Variants in ARID1B observed in about 807,000 individuals in gnomAD.
ARID1B encodes AT-rich interactive domain-containing protein 1B.
A neutral mutation model predicts 212.3 loss-of-function variants in ARID1B; 30 were observed. The ratio of observed to expected loss-of-function variants is 0.14; its 90% CI spans 0.11 to 0.19. The LOEUF (loss-of-function observed/expected upper bound fraction) is 0.19, where lower values mean the gene tolerates loss of function less well. Among genes scored for constraint, ARID1B ranks in the 10% least tolerant of loss-of-function variants. The pLI is 1.00. For missense variants in ARID1B, 2,891 were observed against 3,204.0 expected, an observed-to-expected ratio of 0.90 and a Z score of 2.36; for synonymous variants, 1,402 against 1,301.7, an observed-to-expected ratio of 1.08 and a Z score of -1.66.
At chr6:157,124,013 T>C (rs1402045285) in intron 6 of ARID1B, among the ~76,000 whole-genome samples, 2 of 152,270 alleles carry the variant, frequency 1.3e-5, no homozygotes, top group Non-Finnish European at 2.9e-5. Flanking sequence ...ATGCGTCTGA[T>C]AGACATTTAG....
chr6:156,921,441 ACACACACACAC>A (rs1790781200), intron 3 of ARID1B, among the ~76,000 whole-genome samples: 24 of 436 alleles, frequency 0.055, no homozygotes, highest in East Asian at 0.21. Flanking sequence ...ATGGGAAAAC[ACACACACACAC>A]ACACACACAC....
Position 156,812,814 on chromosome 6 carries a change from T to C in ARID1B, c.1792-16413T>C, listed in dbSNP as rs1016559639. Among the ~76,000 whole-genome samples the C allele has an allele frequency of 2.6e-5, 4 of 151,358 alleles. No individual in the cohort carries two copies. In the East Asian group the frequency reaches 7.8e-4, roughly 29 times the overall value. ...CCCTTGATGGGACAAGCTCGACTTT[T>C]CCTACAGATCCTCAACAGTTGAGAT... is the stretch of plus-strand genomic sequence containing the variant. On this transcript the variant is annotated intron_variant, in intron 1 of 19. Transcript: ENST00000636930.
At chr6:157,144,956 G>A (rs1033865882) in intron 7 of ARID1B, among the ~76,000 whole-genome samples, 5 of 152,162 alleles carry the variant, frequency 3.3e-5, no homozygotes, top group South Asian at 2.1e-4. Context: ...TCTTCACGCC[G>A]AAGCAGTTTG....
At chr6:156,863,435 G>T (rs1037687061) in intron 2 of ARID1B, among the ~76,000 whole-genome samples, 4 of 152,162 alleles carry the variant, frequency 2.6e-5, no homozygotes, top group African/African-American at 9.7e-5. Context: ...TCTCAGCCAA[G>T]AGCCTGAGCA....
chr6:157,000,696 C>CTTTTTTATTTTTTTTTTTTTTTT (rs1778859175), intron 4 of ARID1B, among the ~76,000 whole-genome samples: 1 of 99,230 alleles, frequency 1.0e-5, no homozygotes, highest in African/African-American at 4.0e-5. Context: ...TCTAATTATT[C>CTTTTTTATTTTTTTTTTTTTTTT]TTTTTTTTTT....
At position 157,206,152 on chromosome 6, in the gene ARID1B, C is replaced by T. The variant is rs375231653; in HGVS notation, c.5395-15C>T. The T allele has an allele frequency of 4.5e-4, 732 of 1,612,254 alleles. 2 individuals carry two copies. Among genetic ancestry groups the T allele is most frequent in the Non-Finnish European group, 4.4e-4 (513 of 1,178,888 alleles). On this transcript the variant is annotated splice_polypyrimidine_tract_variant and intron_variant, in intron 19 of 19. Coordinates refer to ENST00000636930, the MANE Select transcript of ARID1B (RefSeq NM_001374828.1). The surrounding 1 kb of genome is among the most constrained non-coding windows in gnomAD (Gnocchi z 6.8). ...GTACCTGTTCTTTCTTTCTTCTCCT[C>T]CTCCTCCTCTCCAGTTGTCTGGATT...
chr6:156,808,615 C>G (rs1277320066), intron 1 of ARID1B, among the ~76,000 whole-genome samples: 1 of 152,018 alleles, frequency 6.6e-6, no homozygotes, highest in Non-Finnish European at 1.5e-5. Context: ...TCAGTCTCAG[C>G]TAAAATTGAA....
At chr6:156,924,015 GCTTTTAAAAAT>G (rs1791018869) in intron 3 of ARID1B, among the ~76,000 whole-genome samples, 1 of 152,206 alleles carries the variant, frequency 6.6e-6, no homozygotes, top group African/African-American at 2.4e-5. Flanking sequence ...TCTTAAATAT[GCTTTTAAAAAT>G]AACAATAGCT....
chr6:157,135,516 C>G (rs1341682871), intron 7 of ARID1B, among the ~76,000 whole-genome samples: 1 of 152,204 alleles, frequency 6.6e-6, no homozygotes, highest in Non-Finnish European at 1.5e-5. Context: ...ACCCTTTTCT[C>G]CTCTCCTGAG....
chr6:156,854,699 C>T (rs144227917), intron 2 of ARID1B, among the ~76,000 whole-genome samples: 1 of 152,328 alleles, frequency 6.6e-6, no homozygotes, highest in East Asian at 1.9e-4. Flanking sequence ...ATTGTGTCCA[C>T]CTCTAGATAC....
At position 157,206,601 on chromosome 6, in the gene ARID1B, G is replaced by C. The variant is rs772330993; in HGVS notation, c.5829G>C (p.Gln1943His). ...TCAATAGTGGCCTTCTGCACTGGCA[G>C]CTCGGCGGGGGTGACACCACCGAGC... ...QEFNSGLLHW[Q>H]LGGGDTTEHI... The change falls in exon 20 of 20, where the codon CAG becomes CAC. Residue 1943 changes from glutamine (Q) to histidine (H), a missense_variant. This residue lies in a region of ARID1B where 332 missense variants were observed against 369.2 expected (regional missense o/e 0.90). Transcript: ENST00000636930. This position sits in a 1 kb window ranked among gnomAD's most constrained non-coding sequence, Gnocchi z 6.8. 1 of 1,614,122 alleles carries C rather than the reference G, an allele frequency of 6.2e-7. No homozygotes were observed. The highest frequency in any genetic ancestry group is 1.1e-5 in the South Asian group (1 of 91,076).
At chr6:157,132,777 C>T (rs1788636916) in intron 6 of ARID1B, among the ~76,000 whole-genome samples, 1 of 152,158 alleles carries the variant, frequency 6.6e-6, no homozygotes, top group Admixed American at 6.5e-5. Flanking sequence ...TTCTCCCCTC[C>T]CTAATTGAAG....
At chr6:156,814,657 G>C (rs1395718012) in intron 1 of ARID1B, among the ~76,000 whole-genome samples, 1 of 152,138 alleles carries the variant, frequency 6.6e-6, no homozygotes, top group Non-Finnish European at 1.5e-5. Context: ...GGAGAGATGG[G>C]GTCCCAAGAT....
chr6:156,998,606 T>C (rs1320348283), intron 4 of ARID1B, among the ~76,000 whole-genome samples: 1 of 152,190 alleles, frequency 6.6e-6, no homozygotes, highest in African/African-American at 2.4e-5. Flanking sequence ...TGACAGTGGC[T>C]GTGCAGCCGA....
intron 2 of ARID1B, among the ~76,000 whole-genome samples, chr6:156,872,962 C>A (rs186302694): frequency 6.6e-6 from 1 of 152,186 alleles, no homozygotes; most frequent in African/African-American, 2.4e-5. Flanking sequence ...GAGGCTACTC[C>A]GTGTGCTGAA....
At chr6:156,832,358 T>C (rs1467274932) in intron 2 of ARID1B, among the ~76,000 whole-genome samples, 1 of 152,246 alleles carries the variant, frequency 6.6e-6, no homozygotes, top group Non-Finnish European at 1.5e-5. Context: ...TAAGCATTGT[T>C]GTAGTTGTGG....
chr6:156,972,284 T>G (rs1313316153), intron 4 of ARID1B, among the ~76,000 whole-genome samples: 1 of 152,062 alleles, frequency 6.6e-6, no homozygotes, highest in Non-Finnish European at 1.5e-5. Context: ...AAGCAAATGG[T>G]CTAGGCTTGT....
chr6:156,960,291 C>G (rs753125129), intron 4 of ARID1B, among the ~76,000 whole-genome samples: 50 of 152,100 alleles, frequency 3.3e-4, no homozygotes, highest in Non-Finnish European at 5.9e-4. Context: ...TGATAGGGAA[C>G]TGGGCTGTGT....
chr6:156,983,309 C>T (rs1157286497), intron 4 of ARID1B, among the ~76,000 whole-genome samples: 1 of 151,482 alleles, frequency 6.6e-6, no homozygotes, highest in Non-Finnish European at 1.5e-5. Context: ...ACAGGAGAAT[C>T]GCTTGAACCC....
Sources: gnomAD v4.1 joint callset for allele counts (sites outside exome capture counted in the v4.1 genomes callset) on GRCh38, gnomAD v4.1.1 for gene constraint, gnomAD v4.1.1 regional missense constraint, Gnocchi (gnomAD v3.1) non-coding constraint, MANE v1.5 for transcripts, NCBI Gene and HGNC (gene_info 2026-07-23, HGNC 2026-07-21) for gene names.